Variants in NRXN1 observed in about 807,000 individuals in gnomAD.
The protein encoded by NRXN1 is neurexin-1.
A neutral mutation model predicts 150.9 loss-of-function variants in NRXN1; 39 were observed. That is an observed-to-expected ratio of 0.26 (90% CI 0.20 to 0.34). The LOEUF is 0.34. NRXN1 is among the 10% of genes least tolerant of loss of function. The probability of loss-of-function intolerance (pLI) is 1.00; values close to 1 mark genes in which losing one functional copy is unlikely to be tolerated. For missense variants in NRXN1, 1,815 were observed against 1,949.9 expected, an observed-to-expected ratio of 0.93 and a Z score of 1.30; for synonymous variants, 924 against 757.0, an observed-to-expected ratio of 1.22 and a Z score of -3.62.
At chr2:49,944,123 A>G (rs1276076571) in intron 21 of NRXN1, among the ~76,000 whole-genome samples, 1 of 152,220 alleles carries the variant, frequency 6.6e-6, no homozygotes, top group Non-Finnish European at 1.5e-5. Context: ...GAAATTTATT[A>G]CAGCCTGGAG....
intron 21 of NRXN1, among the ~76,000 whole-genome samples, chr2:49,949,839 A>G (rs757400488): frequency 4.0e-5 from 6 of 151,804 alleles, no homozygotes; most frequent in East Asian, 1.9e-4. Context: ...CTGAAATATG[A>G]TATCTTTGGT....
chr2:50,545,744 A>G (rs2105305242), intron 9 of NRXN1, among the ~76,000 whole-genome samples: 1 of 152,314 alleles, frequency 6.6e-6, no homozygotes, highest in East Asian at 1.9e-4. Context: ...AGGAATGTGA[A>G]TACTCATATG....
At chr2:50,510,820 A>G (rs752876506) in intron 12 of NRXN1, among the ~76,000 whole-genome samples, 2 of 152,204 alleles carry the variant, frequency 1.3e-5, no homozygotes, top group African/African-American at 2.4e-5. Context: ...GTAGTGTAAG[A>G]GGTACAACGG....
chr2:50,486,064 C>A (rs892269071), intron 15 of NRXN1, among the ~76,000 whole-genome samples: 6 of 152,130 alleles, frequency 3.9e-5, no homozygotes, highest in African/African-American at 1.2e-4. Flanking sequence ...TGAACCCAAA[C>A]ATTTACTCTA....
chr2:50,241,442 C>G (rs1018547677), intron 17 of NRXN1, among the ~76,000 whole-genome samples: 1 of 151,750 alleles, frequency 6.6e-6, no homozygotes, highest in African/African-American at 2.4e-5. Flanking sequence ...ATGGCAAGCA[C>G]TACCACATCA....
At chr2:50,470,922 A>G (rs1295157079) in intron 16 of NRXN1, among the ~76,000 whole-genome samples, 1 of 151,836 alleles carries the variant, frequency 6.6e-6, no homozygotes, top group East Asian at 1.9e-4. Context: ...TTTCTGATAT[A>G]GGAATATTAG....
At chr2:51,010,077 C>G (rs932262466) in intron 2 of NRXN1, among the ~76,000 whole-genome samples, 2 of 151,936 alleles carry the variant, frequency 1.3e-5, no homozygotes, top group Non-Finnish European at 2.9e-5. Context: ...GAATGTTCAA[C>G]CAAGGATAAC....
chr2:50,204,037 C>T (rs1021476930), intron 18 of NRXN1, among the ~76,000 whole-genome samples: 2 of 152,068 alleles, frequency 1.3e-5, no homozygotes, highest in Admixed American at 6.6e-5. Flanking sequence ...ATACATTATA[C>T]AGTTTTGACT....
chr2:50,521,417 C>T (rs1296572851), intron 12 of NRXN1, among the ~76,000 whole-genome samples: 1 of 152,080 alleles, frequency 6.6e-6, no homozygotes, highest in African/African-American at 2.4e-5. Context: ...ATAAACAATC[C>T]AATTTTAAGT....
chr2:50,686,276 C>T (rs1188694359), intron 5 of NRXN1, among the ~76,000 whole-genome samples: 1 of 152,112 alleles, frequency 6.6e-6, no homozygotes, highest in Non-Finnish European at 1.5e-5. Flanking sequence ...TTATTATCCA[C>T]ATTTACACGT....
chr2:50,512,668 G>C (rs2092493557), intron 12 of NRXN1, among the ~76,000 whole-genome samples: 1 of 152,088 alleles, frequency 6.6e-6, no homozygotes. Context: ...AACTTATTTA[G>C]GACCTAACAT....
chr2:50,092,985 C>T (rs374477321), intron 18 of NRXN1, among the ~76,000 whole-genome samples: 73 of 151,826 alleles, frequency 4.8e-4, no homozygotes, highest in African/African-American at 1.7e-3. Flanking sequence ...AAATGAGATT[C>T]TTTAAAATTT....
intron 5 of NRXN1, among the ~76,000 whole-genome samples, chr2:50,769,449 T>C (rs1485388886): frequency 1.3e-5 from 2 of 152,088 alleles, no homozygotes; most frequent in South Asian, 2.1e-4. Flanking sequence ...TAAATGTAAA[T>C]AGAGGATAAA....
At chr2:50,848,890 CA>C (rs1574695743) in intron 5 of NRXN1, among the ~76,000 whole-genome samples, 1 of 152,202 alleles carries the variant, frequency 6.6e-6, no homozygotes, top group East Asian at 1.9e-4. Flanking sequence ...AGGAAGTGGG[CA>C]AAGGAGAATG....
intron 2 of NRXN1, among the ~76,000 whole-genome samples, chr2:51,011,936 C>A (rs778646593): frequency 3.3e-5 from 5 of 151,912 alleles, no homozygotes; most frequent in Non-Finnish European, 7.4e-5. Context: ...AGCATAATAT[C>A]AATAGAATCA....
chr2:50,392,635 G>A (rs1352953304), intron 17 of NRXN1, among the ~76,000 whole-genome samples: 3 of 152,192 alleles, frequency 2.0e-5, no homozygotes, highest in Middle Eastern at 6.8e-3. Flanking sequence ...CAGTAATAGA[G>A]GACAAAGAGA....
chr2:50,870,890 T>A (rs1034661478), intron 5 of NRXN1, among the ~76,000 whole-genome samples: 1 of 151,866 alleles, frequency 6.6e-6, no homozygotes, highest in Non-Finnish European at 1.5e-5. Flanking sequence ...CTGCACAACA[T>A]CCTCAGAAGT....
intron 2 of NRXN1, among the ~76,000 whole-genome samples, chr2:50,989,281 G>A (rs1464438813): frequency 1.3e-5 from 2 of 151,848 alleles, no homozygotes; most frequent in Non-Finnish European, 2.9e-5. Flanking sequence ...TCATTACTAT[G>A]ACTACATTCA....
chr2:50,091,307 A>T lies in NRXN1; in HGVS notation c.3718+16T>A. The T allele has an allele frequency of 6.2e-7, 1 of 1,613,958 alleles. No individual in the cohort carries two copies. Among genetic ancestry groups the T allele is most frequent in the South Asian group, 1.1e-5 (1 of 91,084 alleles). Reference sequence around the variant, plus strand: ...TTTTCATAAAATCTTCCCCCGATACATATTCACTTGCTTACCTGCAGGGTA... The same window carrying T: ...TTTTCATAAAATCTTCCCCCGATACTTATTCACTTGCTTACCTGCAGGGTA... On this transcript the variant is annotated intron_variant, in intron 19 of 22. Transcript: ENST00000401669.
Sources: allele counts gnomAD v4.1 joint callset (sites outside exome capture counted in the v4.1 genomes callset), GRCh38; gene constraint gnomAD v4.1.1; transcripts MANE v1.5; gene names NCBI Gene and HGNC (gene_info 2026-07-23, HGNC 2026-07-21).